Variants in STK3 observed in about 807,000 individuals in gnomAD.
The protein encoded by STK3 is serine/threonine kinase 3.
In STK3, 41 loss-of-function variants were observed where a neutral mutation model predicts 58.0. The ratio of observed to expected loss-of-function variants is 0.71; its 90% CI spans 0.55 to 0.92. STK3 has a LOEUF of 0.92. Ranked by LOEUF, STK3 falls within the 40% of genes least tolerant of loss-of-function variation. The pLI, the probability that STK3 is intolerant of heterozygous loss-of-function variation, is 0.00. For synonymous variants in STK3, 170 were observed against 191.0 expected (o/e 0.89, Z 0.91); for missense variants, 479 against 602.7 (o/e 0.79, Z 2.15).
chr8:98,686,021 G>T (rs1029030248), intron 6 of STK3, among the ~76,000 whole-genome samples: 2 of 152,076 alleles, frequency 1.3e-5, no homozygotes, highest in African/African-American at 4.8e-5. Flanking sequence ...ACAGTGTATA[G>T]CTTCCTATTC....
At chr8:98,912,409 A>G (rs1479518903) in intron 1 of STK3, among the ~76,000 whole-genome samples, 1 of 151,836 alleles carries the variant, frequency 6.6e-6, no homozygotes, top group African/African-American at 2.4e-5. Flanking sequence ...AACAAACGAA[A>G]AAAAAAAAAC....
chr8:98,636,453 G>T (rs552638317), intron 6 of STK3, among the ~76,000 whole-genome samples: 2 of 152,242 alleles, frequency 1.3e-5, no homozygotes, highest in African/African-American at 2.4e-5. Context: ...AGGCACGAAA[G>T]ACTATCATGT....
At chr8:98,915,854 T>C (rs1488527403) in intron 1 of STK3, among the ~76,000 whole-genome samples, 1 of 152,126 alleles carries the variant, frequency 6.6e-6, no homozygotes, top group African/African-American at 2.4e-5. Context: ...GGTTAGCTCA[T>C]ATTTCCTTTA....
At chr8:98,773,124 C>T (rs1012381524) in intron 2 of STK3, among the ~76,000 whole-genome samples, 67 of 152,212 alleles carry the variant, frequency 4.4e-4, no homozygotes, top group East Asian at 7.7e-4. Flanking sequence ...TATATATTTA[C>T]ATTTCTATAA....
chr8:98,918,073 T>C (rs758717190), intron 1 of STK3, among the ~76,000 whole-genome samples: 1 of 152,230 alleles, frequency 6.6e-6, no homozygotes, highest in Non-Finnish European at 1.5e-5. Context: ...GGGATAATAA[T>C]AGTGCCTACT....
chr8:98,859,587 C>T (rs1035105220), intron 3 of STK3, among the ~76,000 whole-genome samples: 4 of 152,164 alleles, frequency 2.6e-5, no homozygotes, highest in African/African-American at 7.2e-5. Context: ...AGGCAACTGA[C>T]ATTGTTGATT....
chr8:98,476,674 G>A (rs1272830177), intron 10 of STK3, among the ~76,000 whole-genome samples: 1 of 152,140 alleles, frequency 6.6e-6, no homozygotes, highest in Non-Finnish European at 1.5e-5. Flanking sequence ...ATGTGGCTTT[G>A]TTAATGATAT....
Position 98,641,697 on chromosome 8 carries a change from C to A in STK3, c.685-45528G>T, listed in dbSNP as rs571361354. On this transcript the variant is annotated intron_variant, in intron 6 of 10. Transcript: ENST00000419617. ...GAAAAATGTCCTCAATGCAACTTATCATATAATGCTAAAATATGCATATGT... is the reference window on the plus strand; with the variant it reads ...GAAAAATGTCCTCAATGCAACTTATAATATAATGCTAAAATATGCATATGT... Among the ~76,000 whole-genome samples, 7 of 152,264 alleles carry A rather than the reference C, an allele frequency of 4.6e-5. No homozygotes were observed. In the East Asian group the frequency reaches 1.4e-3, roughly 29 times the overall value.
chr8:98,565,031 C>G (rs1369768924), intron 8 of STK3, among the ~76,000 whole-genome samples: 1 of 152,066 alleles, frequency 6.6e-6, no homozygotes, highest in East Asian at 1.9e-4. Flanking sequence ...AAACCTAAAA[C>G]TATTCAAAAA....
intron 3 of STK3, among the ~76,000 whole-genome samples, chr8:98,408,495 G>T (rs1818021731): frequency 6.6e-6 from 1 of 152,138 alleles, no homozygotes; most frequent in Non-Finnish European, 1.5e-5. Context: ...GAAGAGAAAG[G>T]CTCATAAATT....
intron 9 of STK3, among the ~76,000 whole-genome samples, chr8:98,542,124 C>T (rs1453362452): frequency 1.3e-5 from 2 of 152,110 alleles, no homozygotes; most frequent in African/African-American, 2.4e-5. Flanking sequence ...ATAACATATA[C>T]AAAATCCTAA....
intron 4 of STK3, chr8:98,722,873 G>T: frequency 2.0e-6 from 1 of 507,086 alleles, no homozygotes; most frequent in South Asian, 1.5e-5. Flanking sequence ...TCATATAGAA[G>T]AAGGTAATGT....
chr8:98,449,870 A>G (rs1819121821), downstream of STK3, among the ~76,000 whole-genome samples: 1 of 152,024 alleles, frequency 6.6e-6, no homozygotes, highest in African/African-American at 2.4e-5. Flanking sequence ...GTCCTCTCAT[A>G]TTTACCCCTT....
At chr8:98,353,671 C>A in the STK3 span, among the ~76,000 whole-genome samples, 1 of 152,116 alleles carries the variant, frequency 6.6e-6, no homozygotes, top group East Asian at 1.9e-4. Context: ...CAACATGTAG[C>A]AGATGAAGGC....
At chr8:98,905,392 G>A (rs1001530756) in intron 1 of STK3, 1 of 1,241,940 alleles carries the variant, frequency 8.1e-7, no homozygotes, top group Non-Finnish European at 1.2e-6. Flanking sequence ...TTGGCTTGAA[G>A]CTCTTGGTTG....
chr8:98,401,668 G>A (rs1419428645), intron 3 of STK3, among the ~76,000 whole-genome samples: 1 of 152,192 alleles, frequency 6.6e-6, no homozygotes, highest in African/African-American at 2.4e-5. Context: ...TAGACCACGT[G>A]GGAGATTTAA....
chr8:98,548,204 A>T, intron 8 of STK3, 43 bp from the exon 9 acceptor site: 1 of 1,370,748 alleles, frequency 7.3e-7, no homozygotes, highest in East Asian at 2.8e-5. Flanking sequence ...TTTCTATGAC[A>T]GCTGGATTTC....
chr8:98,705,506 T>C lies in STK3; in HGVS notation c.684+961A>G, dbSNP rs570266462. 1.3e-4 allele frequency among the ~76,000 whole-genome samples: 20 copies of C among 152,296 alleles called. 1 individual carries two copies. In the East Asian group the frequency reaches 3.3e-3, roughly 25 times the overall value. ...GTATAATACACTGTTACCTATATTA[T>C]CGAAATTTAACCCACAATGGCATTA... On this transcript the variant is annotated intron_variant, in intron 6 of 10. Coordinates refer to ENST00000419617, the MANE Select transcript of STK3 (RefSeq NM_006281.4).
At chr8:98,740,856 C>T (rs946247430) in intron 4 of STK3, among the ~76,000 whole-genome samples, 7 of 151,998 alleles carry the variant, frequency 4.6e-5, no homozygotes, top group Admixed American at 6.6e-5. Flanking sequence ...ACCCATCTCA[C>T]AAGCAGAGAC....
Sources: gnomAD v4.1 joint callset for allele counts (sites outside exome capture counted in the v4.1 genomes callset) on GRCh38, gnomAD v4.1.1 for gene constraint, MANE v1.5 for transcripts, NCBI Gene and HGNC (gene_info 2026-07-23, HGNC 2026-07-21) for gene names.